The following SOX6 variants were observed in gnomAD, a reference collection of about 807,000 sequenced individuals.
SOX6 encodes the protein SRY-box transcription factor 6.
A neutral mutation model predicts 97.8 loss-of-function variants in SOX6; 11 were observed. That is an observed-to-expected ratio of 0.11 (90% CI 0.07 to 0.19). SOX6 has a LOEUF of 0.19. Ranked by LOEUF, SOX6 falls within the 10% of genes least tolerant of loss-of-function variation. The pLI, the probability that SOX6 is intolerant of heterozygous loss-of-function variation, is 1.00. For missense variants in SOX6, 810 were observed against 1,039.5 expected, an observed-to-expected ratio of 0.78 and a Z score of 3.04; for synonymous variants, 360 against 371.4, an observed-to-expected ratio of 0.97 and a Z score of 0.35.
At chr11:16,215,695 G>T (rs984739131) in intron 4 of SOX6, among the ~76,000 whole-genome samples, 2 of 152,062 alleles carry the variant, frequency 1.3e-5, no homozygotes, top group Admixed American at 1.3e-4. Flanking sequence ...CCTCAAACCT[G>T]AAAAATTTAA....
intron 5 of SOX6, among the ~76,000 whole-genome samples, chr11:16,185,581 G>C (rs1007762314): frequency 3.3e-5 from 5 of 152,230 alleles, no homozygotes; most frequent in Admixed American, 6.5e-5. Flanking sequence ...TGAGCTACAT[G>C]CTCGCTTCAT....
chr11:16,397,383 G>A (rs1030784119), intron 1 of SOX6: 1 of 151,830 alleles, frequency 6.6e-6, no homozygotes, highest in African/African-American at 2.4e-5. Flanking sequence ...AGACTTAATT[G>A]TTTAAATATA....
intron 4 of SOX6, among the ~76,000 whole-genome samples, chr11:16,557,090 T>G (rs1317438078): frequency 6.6e-6 from 1 of 151,802 alleles, no homozygotes; most frequent in Non-Finnish European, 1.5e-5. Flanking sequence ...TTGATCACAA[T>G]TAGTAAATAC....
intron 4 of SOX6, among the ~76,000 whole-genome samples, chr11:16,530,329 AT>A (rs1436634349): frequency 6.6e-6 from 1 of 152,066 alleles, no homozygotes; most frequent in African/African-American, 2.4e-5. Flanking sequence ...GGATATAAAC[AT>A]TTTTTTAAAG....
intron 3 of SOX6, chr11:16,283,906 A>C (rs762297304): frequency 6.9e-6 from 3 of 433,488 alleles, no homozygotes; most frequent in South Asian, 5.0e-5. Context: ...AGAAATCTTG[A>C]AAGAAAGACT....
At chr11:16,258,854 CAT>C (rs1004289521) in intron 3 of SOX6, among the ~76,000 whole-genome samples, 3 of 149,298 alleles carry the variant, frequency 2.0e-5, no homozygotes, top group African/African-American at 7.4e-5. Flanking sequence ...CATATATATA[CAT>C]ATATATACAC....
At chr11:16,217,949 G>A (rs531127471) in intron 4 of SOX6, among the ~76,000 whole-genome samples, 98 of 152,040 alleles carry the variant, frequency 6.4e-4, no homozygotes, top group African/African-American at 2.2e-3. Flanking sequence ...TGGTGAAGTC[G>A]CCTCCTAGAT....
chr11:16,727,577 G>A (rs563908789), intron 2 of SOX6, among the ~76,000 whole-genome samples: 165 of 151,152 alleles, frequency 1.1e-3, no homozygotes, highest in African/African-American at 3.4e-3. Flanking sequence ...TTACAGGCAC[G>A]CGCCACAACA....
intron 3 of SOX6, among the ~76,000 whole-genome samples, chr11:16,291,460 T>A (rs1045891101): frequency 6.6e-6 from 1 of 151,900 alleles, no homozygotes; most frequent in African/African-American, 2.4e-5. Context: ...CAAATAAACC[T>A]ACCTTGCAGA....
chr11:16,418,775 T>C (rs1043605149), intron 1 of SOX6, among the ~76,000 whole-genome samples: 3 of 152,280 alleles, frequency 2.0e-5, no homozygotes, highest in South Asian at 2.1e-4. Flanking sequence ...TTAACTAATA[T>C]GGAAAGTTAA....
At chr11:16,596,612 A>G (rs1848215256) in intron 4 of SOX6, among the ~76,000 whole-genome samples, 1 of 152,194 alleles carries the variant, frequency 6.6e-6, no homozygotes. Flanking sequence ...TTCTGCTGTT[A>G]TACATAACGC....
At chr11:16,428,358 T>C (rs1359205059) in intron 1 of SOX6, among the ~76,000 whole-genome samples, 1 of 152,242 alleles carries the variant, frequency 6.6e-6, no homozygotes, top group Non-Finnish European at 1.5e-5. Context: ...ATTTTGGCTT[T>C]TGTTGCCATT....
chr11:16,249,560 T>C (rs570122197), intron 3 of SOX6, among the ~76,000 whole-genome samples: 8 of 152,326 alleles, frequency 5.3e-5, no homozygotes, highest in African/African-American at 1.7e-4. Flanking sequence ...TTCCAACCTC[T>C]GCCTGTTATC....
chr11:16,615,844 C>A (rs1441222915), intron 3 of SOX6, among the ~76,000 whole-genome samples: 1 of 152,116 alleles, frequency 6.6e-6, no homozygotes. Context: ...CTAACTGTTT[C>A]TCTTACAATG....
chr11:16,376,271 C>A (rs1857640974), intron 1 of SOX6, among the ~76,000 whole-genome samples: 1 of 151,986 alleles, frequency 6.6e-6, no homozygotes, highest in Non-Finnish European at 1.5e-5. Context: ...TGGATTTATA[C>A]CTTCTAAATT....
At chr11:15,978,142 A>T (rs1037334218) in intron 15 of SOX6, among the ~76,000 whole-genome samples, 9 of 152,092 alleles carry the variant, frequency 5.9e-5, no homozygotes, top group Non-Finnish European at 1.3e-4. Context: ...CAAACATGCT[A>T]TAATCACTCA....
intron 3 of SOX6, among the ~76,000 whole-genome samples, chr11:16,294,318 G>A (rs1855004762): frequency 6.6e-6 from 1 of 151,982 alleles, no homozygotes; most frequent in African/African-American, 2.4e-5. Flanking sequence ...TAAAAGTCTT[G>A]AGCTTCACTT....
intron 2 of SOX6, among the ~76,000 whole-genome samples, chr11:16,716,882 T>C (rs1175727601): frequency 2.0e-5 from 3 of 152,124 alleles, no homozygotes; most frequent in Non-Finnish European, 4.4e-5. Flanking sequence ...GAAGTCAGGA[T>C]AGTTACCTTT....
At chr11:16,691,145 C>A (rs1848010297) in intron 3 of SOX6, among the ~76,000 whole-genome samples, 1 of 152,152 alleles carries the variant, frequency 6.6e-6, no homozygotes, top group Non-Finnish European at 1.5e-5. Flanking sequence ...TTAGTTGGCA[C>A]AATCCTGATA....
Sources: allele counts gnomAD v4.1 joint callset (sites outside exome capture counted in the v4.1 genomes callset), GRCh38; gene constraint gnomAD v4.1.1; transcripts MANE v1.5; gene names NCBI Gene and HGNC (gene_info 2026-07-23, HGNC 2026-07-21).